The following OSBPL10 variants were observed in gnomAD, a reference collection of about 807,000 sequenced individuals.
OSBPL10 encodes oxysterol binding protein like 10.
A neutral mutation model predicts 81.7 loss-of-function variants in OSBPL10; 49 were observed. The ratio of observed to expected loss-of-function variants is 0.60; its 90% CI spans 0.48 to 0.76. The LOEUF (loss-of-function observed/expected upper bound fraction) is 0.76, where lower values mean the gene tolerates loss of function less well. OSBPL10 is among the 30% of genes least tolerant of loss of function. The probability of loss-of-function intolerance (pLI) is 0.00; values close to 1 mark genes in which losing one functional copy is unlikely to be tolerated. For missense variants in OSBPL10, 923 were observed against 987.8 expected (o/e 0.93, Z 0.88); for synonymous variants, 419 against 383.6 (o/e 1.09, Z -1.08).
At chr3:31,927,576 A>G (rs954318017) in intron 1 of OSBPL10, among the ~76,000 whole-genome samples, 4 of 150,654 alleles carry the variant, frequency 2.7e-5, no homozygotes, top group East Asian at 1.9e-4. Context: ...AAATTGTACT[A>G]TACTGATATA....
chr3:31,750,746 T>A (rs1319146908), intron 4 of OSBPL10, among the ~76,000 whole-genome samples: 1 of 152,098 alleles, frequency 6.6e-6, no homozygotes, highest in Non-Finnish European at 1.5e-5. Context: ...TTTATTATTA[T>A]GAATGATGCC....
chr3:31,922,462 T>C (rs1696944463), intron 1 of OSBPL10, among the ~76,000 whole-genome samples: 1 of 152,030 alleles, frequency 6.6e-6, no homozygotes, highest in South Asian at 2.1e-4. Context: ...CTACTAAAAA[T>C]ACAAAGTTAG....
rs773056893 is a variant in OSBPL10, at chr3:31,679,528, G to A, written c.1726+4106C>T. Among the ~76,000 whole-genome samples the A allele has an allele frequency of 2.0e-5, 3 of 152,300 alleles. No homozygotes were observed. In the East Asian group the frequency reaches 5.8e-4, roughly 29 times the overall value. On this transcript the variant is annotated intron_variant, in intron 8 of 11. Coordinates refer to ENST00000396556, the MANE Select transcript of OSBPL10 (RefSeq NM_017784.5). ...AGCCACCACTGTTACCGATAAGGAG[G>A]TAAACATGATTAAAATACTAACTGT...
At position 31,740,857 on chromosome 3, in the gene OSBPL10, T is replaced by TTATATATATATATATATA. The variant is rs145097507; in HGVS notation, c.940+7052_940+7053insTATATATATATATATATA. ...AACTTAATATGACCACTACTAGAAT[T>TTATATATATATATATATA]TATATATATATGTCATATTTCTTCC... On this transcript the variant is annotated intron_variant, in intron 5 of 11. Transcript: ENST00000396556. 2.9e-3 allele frequency among the ~76,000 whole-genome samples: 390 copies of TTATATATATATATATATA among 136,376 alleles called. 14 individuals carry two copies. Among genetic ancestry groups the TTATATATATATATATATA allele is most frequent in the African/African-American group, 8.7e-3 (259 of 29,760 alleles). The allele number at this position is 136,376 out of a possible 152,430, so 89.5% of individuals were successfully genotyped here.
rs1559557389 is a variant in OSBPL10, at chr3:32,066,003, GAAA to G, written n.185+11390_185+11392del. Among the ~76,000 whole-genome samples the G allele has an allele frequency of 8.1e-5, 5 of 61,488 alleles. 1 individual carries two copies. Among genetic ancestry groups the G allele is most frequent in the African/African-American group, 1.9e-4 (5 of 26,984 alleles). The allele number at this position is 61,488 out of a possible 152,430, so 40.3% of individuals were successfully genotyped here. ...AGAAAGAAAGAAAGAAAGAAAGAAA[GAAA>G]GAGAAAGAAAGAAAGAAAGAGAGAG... On this transcript the variant is annotated intron_variant and non_coding_transcript_variant, in intron 1 of 3. Coordinates refer to the OSBPL10 transcript ENST00000479173.
intron 2 of OSBPL10, among the ~76,000 whole-genome samples, chr3:31,992,352 T>G (rs1699042384): frequency 6.6e-6 from 1 of 152,156 alleles, no homozygotes; most frequent in South Asian, 2.1e-4. Context: ...TAGTGGTTAT[T>G]ATAAAACAAT....
chr3:31,923,685 G>A (rs563838543), intron 1 of OSBPL10, among the ~76,000 whole-genome samples: 2 of 152,154 alleles, frequency 1.3e-5, no homozygotes, highest in African/African-American at 2.4e-5. Flanking sequence ...TACTCAGGAG[G>A]CTGAGGCAGA....
chr3:31,847,526 C>T (rs984464771), intron 3 of OSBPL10, among the ~76,000 whole-genome samples: 3 of 152,104 alleles, frequency 2.0e-5, no homozygotes, highest in African/African-American at 7.2e-5. Flanking sequence ...CCTTCTCTTG[C>T]CCTCCTCAGA....
chr3:31,907,621 A>C (rs902279807), intron 1 of OSBPL10, among the ~76,000 whole-genome samples: 12,688 of 49,888 alleles, frequency 0.25, 484 homozygotes, highest in Non-Finnish European at 0.3. Context: ...CTCCATCTCA[A>C]AAAAAAAAAA....
chr3:31,956,660 G>A (rs1698016010), intron 1 of OSBPL10, among the ~76,000 whole-genome samples: 1 of 152,136 alleles, frequency 6.6e-6, no homozygotes, highest in Admixed American at 6.5e-5. Flanking sequence ...CCTGGGAGGT[G>A]GAGGTTGCAC....
Position 32,006,825 on chromosome 3 carries a change from T to C in OSBPL10, n.298+39666A>G, listed in dbSNP as rs542310850. ...TGCTTTTGTTGCTGTGGCTTTGCAG[T>C]ATTTGTTAATATCTGGGAGTCTAGT... is the stretch of plus-strand genomic sequence containing the variant. On this transcript the variant is annotated intron_variant and non_coding_transcript_variant, in intron 2 of 3. Transcript: ENST00000479173. 7.9e-5 allele frequency among the ~76,000 whole-genome samples: 12 copies of C among 152,384 alleles called. No individual in the cohort carries two copies. In the South Asian group the frequency reaches 1.9e-3, roughly 24 times the overall value.
At chr3:32,031,341 A>G (rs1699465624) in intron 2 of OSBPL10, among the ~76,000 whole-genome samples, 1 of 152,198 alleles carries the variant, frequency 6.6e-6, no homozygotes, top group Non-Finnish European at 1.5e-5. Flanking sequence ...GGTATTTAAA[A>G]CTTTTTTATT....
Position 31,981,138 on chromosome 3 carries a change from G to A in OSBPL10, c.42C>T (p.Ser14=), listed in dbSNP as rs960682157. 5 of 1,491,190 alleles carry A rather than the reference G, an allele frequency of 3.4e-6. No individual in the cohort carries two copies. The highest frequency in any genetic ancestry group is 1.5e-5 in the African/African-American group (1 of 68,306). The allele number at this position is 1,491,190 out of a possible 1,614,324, so 92.4% of individuals were successfully genotyped here. The change falls in exon 1 of 12, where the codon AGC becomes AGT. Residue 14 remains serine, a synonymous_variant. Coordinates refer to ENST00000396556, the MANE Select transcript of OSBPL10 (RefSeq NM_017784.5). This position sits in a 1 kb window ranked among gnomAD's most constrained non-coding sequence, Gnocchi z 4.5. ...GGCTGCTGCTGCGGCTGCTGCTGTT[G>A]CTACCCCCGCCGCCGTCTGTGCCCT... The part of the protein sequence containing the change: ...AVQGTDGGGG[S]NSSSRSSSRA...
intron 1 of OSBPL10, among the ~76,000 whole-genome samples, chr3:31,917,447 C>T (rs1244072282): frequency 1.3e-5 from 2 of 151,938 alleles, no homozygotes; most frequent in Non-Finnish European, 2.9e-5. Context: ...GTTTAGCACA[C>T]CTGGCTGCAG....
intron 1 of OSBPL10, among the ~76,000 whole-genome samples, chr3:31,924,161 G>T (rs1193549022): frequency 3.3e-5 from 5 of 150,720 alleles, no homozygotes; most frequent in African/African-American, 4.9e-5. Context: ...GGAGGTTGCA[G>T]TGAGCTGAGA....
rs746505976 is a variant in OSBPL10, at chr3:31,748,078, C to A, written c.772G>T (p.Ala258Ser). ...CCGGACCCTGGCAGGGACTCAATGG[C>A]GTGCACAAGGTTCTTCTGCTGCCCT... ...VEGQQKNLVH[A>S]IESLPGSGPL... The change falls in exon 5 of 12, where the codon GCC becomes TCC. Residue 258 changes from alanine (A) to serine (S), a missense_variant. By Grantham distance (99) the Ala-to-Ser change is moderately conservative (BLOSUM62 1). Transcript: ENST00000396556. 6.2e-7 allele frequency: 1 copy of A among 1,614,080 alleles called. No individual in the cohort carries two copies. The highest frequency in any genetic ancestry group is 2.2e-5 in the East Asian group (1 of 44,864).
At chr3:31,991,248 C>T (rs1407823391) in intron 2 of OSBPL10, 2 of 384,234 alleles carry the variant, frequency 5.2e-6, no homozygotes, top group Admixed American at 4.3e-5. Flanking sequence ...GAGTTTGAGA[C>T]CATCCTGGCC....
At chr3:31,843,384 GC>G (rs1460075484) in intron 3 of OSBPL10, among the ~76,000 whole-genome samples, 1 of 152,094 alleles carries the variant, frequency 6.6e-6, no homozygotes, top group Non-Finnish European at 1.5e-5. Flanking sequence ...GGCTTAAATT[GC>G]CCACAGCTGT....
At chr3:31,805,171 G>C (rs1699490409) in intron 4 of OSBPL10, among the ~76,000 whole-genome samples, 1 of 152,108 alleles carries the variant, frequency 6.6e-6, no homozygotes, top group Non-Finnish European at 1.5e-5. Context: ...CTTTTTCACG[G>C]AAGGTATTTC....
Sources: gnomAD v4.1 joint callset for allele counts (sites outside exome capture counted in the v4.1 genomes callset) on GRCh38, gnomAD v4.1.1 for gene constraint, Gnocchi (gnomAD v3.1) non-coding constraint, MANE v1.5 for transcripts, NCBI Gene and HGNC (gene_info 2026-07-23, HGNC 2026-07-21) for gene names.